The following NWD1 variants were observed in gnomAD, a reference collection of about 807,000 sequenced individuals.
The protein encoded by NWD1 is NACHT domain- and WD repeat-containing protein 1.
A neutral mutation model predicts 135.1 loss-of-function variants in NWD1; 129 were observed. That is an observed-to-expected ratio of 0.96 (90% CI 0.83 to 1.11). The LOEUF (loss-of-function observed/expected upper bound fraction) is 1.11, where lower values mean the gene tolerates loss of function less well. NWD1 is among the 50% of genes least tolerant of loss of function. The probability of loss-of-function intolerance (pLI) is 0.00; values close to 1 mark genes in which losing one functional copy is unlikely to be tolerated. For synonymous variants in NWD1, 773 were observed against 786.0 expected (o/e 0.98, Z 0.28); for missense variants, 1,740 against 1,851.3 (o/e 0.94, Z 1.10).
chr19:16,785,458 C>T (rs1217228941), intron 12 of NWD1, among the ~76,000 whole-genome samples: 1 of 151,434 alleles, frequency 6.6e-6, no homozygotes. Context: ...TTGCAGTGAG[C>T]CGAGATTGCG....
At chr19:16,731,024 T>A in intron 2 of NWD1, 168 bp from the exon 3 acceptor site, 1 of 457,462 alleles carries the variant, frequency 2.2e-6, no homozygotes, top group Non-Finnish European at 3.9e-6. Flanking sequence ...AGAGAGAATC[T>A]CTTGAGGCCA....
At chr19:16,759,082 T>C in intron 6 of NWD1, 143 bp from the exon 7 acceptor site, 1 of 681,282 alleles carries the variant, frequency 1.5e-6, no homozygotes, top group South Asian at 1.6e-5. Flanking sequence ...CTTGGTACCT[T>C]GTGGGCGCTG....
chr19:16,749,355 T>A lies in NWD1; in HGVS notation c.713T>A (p.Val238Asp). The A allele has an allele frequency of 6.2e-7, 1 of 1,613,044 alleles. No homozygotes were observed. Among genetic ancestry groups the A allele is most frequent in the Non-Finnish European group, 8.5e-7 (1 of 1,179,628 alleles). The change falls in exon 6 of 19, where the codon GTC (valine) becomes GAC (aspartate). Residue 238 changes from valine to aspartate, a missense_variant. Val to Asp is a radical substitution (Grantham distance 152). Coordinates refer to ENST00000524140, the MANE Select transcript of NWD1 (RefSeq NM_001007525.5). ...CACATCACTGACATGCACCCAGGGG[T>A]CCTCAAGACCCACCGCCTGCCGTGG... is the stretch of plus-strand genomic sequence containing the variant. ...KSHITDMHPG[V>D]LKTHRLPWSR...
At chr19:16,759,172 C>A in intron 6 of NWD1, 53 bp from the exon 7 acceptor site, 1 of 1,451,022 alleles carries the variant, frequency 6.9e-7, no homozygotes, top group Non-Finnish European at 9.7e-7. Context: ...CTGCATCCTC[C>A]AAATGCAGAA....
At chr19:16,725,834 C>T (rs7246439) in intron 2 of NWD1, among the ~76,000 whole-genome samples, 10,366 of 151,360 alleles carry the variant, frequency 0.068, 443 homozygotes, top group Admixed American at 0.13. Context: ...ATTACAGGCA[C>T]GTGATTGTAG....
At position 16,807,605 on chromosome 19, in the gene NWD1, G is replaced by A; in HGVS notation, c.3756G>A (p.Leu1252=). 6.6e-7 allele frequency: 1 copy of A among 1,525,544 alleles called. No individual in the cohort carries two copies. The highest frequency in any genetic ancestry group is 8.8e-7 in the Non-Finnish European group (1 of 1,136,928). The allele number at this position is 1,525,544 out of a possible 1,614,324, so 94.5% of individuals were successfully genotyped here. A position where few individuals can be genotyped will look rare whatever the true frequency, so the allele number is the denominator to read the frequency against. The change falls in exon 18 of 19, where the codon CTG becomes CTA. Residue 1252 remains leucine (L), a synonymous_variant. Coordinates refer to ENST00000524140, the MANE Select transcript of NWD1 (RefSeq NM_001007525.5). ...DLAEGEEQDS[L]DTSSEIRCLE... ...TGGCAGGCGAGGAACAAGATTCCCT[G>A]GACACCTCCAGTGAGATCAGGTGTC...
At chr19:16,768,823 TTAAAAAG>T (rs1969317485) in intron 10 of NWD1, among the ~76,000 whole-genome samples, 1 of 152,200 alleles carries the variant, frequency 6.6e-6, no homozygotes, top group Non-Finnish European at 1.5e-5. Context: ...GAATAGGATG[TTAAAAAG>T]GATGACCAGT....
intron 1 of NWD1, among the ~76,000 whole-genome samples, chr19:16,723,847 C>T (rs144819630): frequency 5.7e-4 from 87 of 152,202 alleles, no homozygotes; most frequent in African/African-American, 1.9e-3. Flanking sequence ...AGACGTGCAC[C>T]GTCATGCCCG....
Position 16,815,138 on chromosome 19 carries a change from C to T in NWD1, c.*99C>T, listed in dbSNP as rs777484146. 3.2e-6 allele frequency: 4 copies of T among 1,231,484 alleles called. No individual in the cohort carries two copies. The East Asian group carries it at 9.3e-5, about 29-fold the overall frequency. 76.3% of individuals were successfully genotyped at this position (1,231,484 alleles called of 1,614,324 possible). ...TGGTTATCTGATCCGAGAGAATTTC[C>T]AGTGCCTTTCAGCAAAAGCCTCACC... is the stretch of plus-strand genomic sequence containing the variant. On this transcript the variant is annotated 3_prime_UTR_variant, in exon 19 of 19. Coordinates refer to ENST00000524140, the MANE Select transcript of NWD1 (RefSeq NM_001007525.5).
rs1968459098 is a variant in NWD1, at chr19:16,749,380, G to GA, written c.739dup (p.Ser247LysfsTer21). The GA allele has an allele frequency of 1.9e-6, 3 of 1,613,812 alleles. No homozygotes were observed. Among genetic ancestry groups the GA allele is most frequent in the Admixed American group, 3.3e-5 (2 of 59,988 alleles). ...TCCTCAAGACCCACCGCCTGCCGTG[G>GA]AGCCGCGACTTGGTGAACCCCAAGA... On this transcript the variant is annotated frameshift_variant, in exon 6 of 19. Coordinates refer to ENST00000524140, the MANE Select transcript of NWD1 (RefSeq NM_001007525.5). LOFTEE classifies it high-confidence loss of function.
In NWD1 at chr19:16,797,603, G is replaced by T. The variant is rs567522712; in HGVS notation, c.3305-129G>T. On this transcript the variant is annotated intron_variant, in intron 15 of 18. Coordinates refer to ENST00000524140, the MANE Select transcript of NWD1 (RefSeq NM_001007525.5). The stretch of plus-strand genomic sequence containing the variant: ...CCTCGAGTGATCTGCCCGCCTTGGC[G>T]TCCCAAAGTGCTGGGATTACAGGCA... 8.7e-6 allele frequency: 7 copies of T among 808,806 alleles called. No individual in the cohort carries two copies. In the African/African-American group the frequency reaches 1.2e-4, roughly 14 times the overall value. The allele number at this position is 808,806 out of a possible 1,614,324, so 50.1% of individuals were successfully genotyped here. A position where few individuals can be genotyped will look rare whatever the true frequency, so the allele number is the denominator to read the frequency against.
chr19:16,768,721 A>C (rs1969314190), intron 10 of NWD1, among the ~76,000 whole-genome samples: 1 of 152,232 alleles, frequency 6.6e-6, no homozygotes, highest in African/African-American at 2.4e-5. Flanking sequence ...CATGTTAACA[A>C]AGAGCAATAA....
chr19:16,809,332 C>T (rs1970851213), intron 18 of NWD1, among the ~76,000 whole-genome samples: 1 of 151,794 alleles, frequency 6.6e-6, no homozygotes, highest in Non-Finnish European at 1.5e-5. Context: ...CCTTGGCCTC[C>T]CAAAGTGCTG....
At position 16,799,935 on chromosome 19, in the gene NWD1, T is replaced by C. The variant is rs1314099569; in HGVS notation, c.3509T>C (p.Val1170Ala). 1.2e-6 allele frequency: 2 copies of C among 1,613,838 alleles called. No individual in the cohort carries two copies. Among genetic ancestry groups the C allele is most frequent in the Non-Finnish European group, 1.7e-6 (2 of 1,179,934 alleles). ...ACCCTTCTGGACATCCTGGAAGGCG[T>C]CGGGGCCCCCGTGAGCCTGCTGGCC... ...QGTLLDILEG[V>A]GAPVSLLARG... The change falls in exon 17 of 19, where the codon GTC becomes GCC. Residue 1170 changes from valine to alanine, a missense_variant. Physicochemically the swap from Val to Ala is moderately conservative, Grantham distance 64 (BLOSUM62 0). Transcript: ENST00000524140.
intron 1 of NWD1, among the ~76,000 whole-genome samples, chr19:16,723,397 C>T (rs1448428545): frequency 2.6e-5 from 4 of 152,120 alleles, no homozygotes; most frequent in African/African-American, 9.7e-5. Context: ...TGGGGTTTCA[C>T]CATGTTGCCC....
chr19:16,786,038 T>C (rs1970029579), intron 12 of NWD1, among the ~76,000 whole-genome samples: 1 of 152,020 alleles, frequency 6.6e-6, no homozygotes, highest in African/African-American at 2.4e-5. Flanking sequence ...CTAATTTTTG[T>C]ATTTTTAGTA....
intron 3 of NWD1, among the ~76,000 whole-genome samples, chr19:16,734,539 A>G (rs1384774957): frequency 6.7e-6 from 1 of 149,476 alleles, no homozygotes; most frequent in African/African-American, 2.5e-5. Context: ...CATCTCAAAA[A>G]AAAAAAAAAG....
chr19:16,761,630 T>TGGA (rs553229565), intron 7 of NWD1, among the ~76,000 whole-genome samples: 2 of 152,266 alleles, frequency 1.3e-5, no homozygotes, highest in Non-Finnish European at 2.9e-5. Flanking sequence ...CCCAAAGTGC[T>TGGA]GGGATCACAG....
Position 16,797,762 on chromosome 19 carries a change from C to T in NWD1, c.3335C>T (p.Ala1112Val), listed in dbSNP as rs747941945. The part of the protein sequence containing the change: ...GFGRSVRIFL[A>V]DSRGFRRFMA... Reference sequence around the variant, plus strand: ...GGAAGATCGGTGCGGATATTCTTGGCGGACTCGAGGGGCTTTCGCCGATTC... The same window carrying T: ...GGAAGATCGGTGCGGATATTCTTGGTGGACTCGAGGGGCTTTCGCCGATTC... Residue 1112 changes from alanine (A) to valine (V), a missense_variant, in exon 16 of 19, where the codon GCG (alanine) becomes GTG (valine). By Grantham distance (64) the Ala-to-Val change is moderately conservative. Transcript: ENST00000524140. 5.6e-5 allele frequency: 90 copies of T among 1,613,820 alleles called. No individual in the cohort carries two copies. The highest frequency in any genetic ancestry group is 6.7e-5 in the Admixed American group (4 of 59,962).
Sources: gnomAD v4.1 joint callset for allele counts (sites outside exome capture counted in the v4.1 genomes callset) on GRCh38, gnomAD v4.1.1 for gene constraint, MANE v1.5 for transcripts, NCBI Gene and HGNC (gene_info 2026-07-23, HGNC 2026-07-21) for gene names.